Variants in COL6A2 observed in about 807,000 individuals in gnomAD.
The protein encoded by COL6A2 is collagen type VI alpha 2 chain.
Under a neutral mutation model 124.9 loss-of-function variants are expected in COL6A2, and 90 were observed. The observed-to-expected ratio is 0.72, with a 90% confidence interval of 0.61 to 0.86. The LOEUF is 0.86. Among genes scored for constraint, COL6A2 ranks in the 40% least tolerant of loss-of-function variants. The pLI is 0.00. For missense variants in COL6A2, 1,607 were observed against 1,502.5 expected (o/e 1.07, Z -1.15); for synonymous variants, 793 against 618.2 (o/e 1.28, Z -4.19).
chr21:46,113,889 C>T (rs1416036955), intron 4 of COL6A2, 119 bp from the exon 5 acceptor site: 3 of 833,298 alleles, frequency 3.6e-6, no homozygotes, highest in South Asian at 2.8e-5. Context: ...GTTCTCAGGG[C>T]ATTTCAGCAT....
chr21:46,124,394 T>C lies in COL6A2; in HGVS notation c.1672-257T>C, dbSNP rs2839111. On this transcript the variant is annotated intron_variant, in intron 21 of 27. Coordinates refer to ENST00000300527, the MANE Select transcript of COL6A2 (RefSeq NM_001849.4). ...GATTGGAATGAGCTGTTTTGGCTGC[T>C]ATTTCTGGGACACCCAGCTCTGCCA... 0.81 allele frequency among the ~76,000 whole-genome samples: 122,916 copies of C among 152,104 alleles called. 49,816 individuals carry two copies. The highest frequency in any genetic ancestry group is 0.88 in the East Asian group (4,565 of 5,168).
intron 1 of COL6A2, among the ~76,000 whole-genome samples, chr21:46,102,167 G>T (rs1216947602): frequency 6.6e-6 from 1 of 151,954 alleles, no homozygotes; most frequent in Non-Finnish European, 1.5e-5. Flanking sequence ...ATAGTAAATA[G>T]AATTGTTTTC....
At chr21:46,130,662 A>G (rs2078748605) in intron 27 of COL6A2, among the ~76,000 whole-genome samples, 1 of 151,554 alleles carries the variant, frequency 6.6e-6, no homozygotes, top group Admixed American at 6.6e-5. Context: ...ATGGACAGAG[A>G]CCCCCAAAAC....
intron 1 of COL6A2, among the ~76,000 whole-genome samples, chr21:46,107,633 A>C (rs1256620363): frequency 6.6e-6 from 1 of 152,222 alleles, no homozygotes; most frequent in Non-Finnish European, 1.5e-5. Context: ...AAGGGCAGCC[A>C]CTATGAGACT....
chr21:46,104,606 C>T (rs1314979219), intron 1 of COL6A2, among the ~76,000 whole-genome samples: 2 of 152,110 alleles, frequency 1.3e-5, no homozygotes, highest in Non-Finnish European at 2.9e-5. Flanking sequence ...GCAAAGGGAG[C>T]AGAGAGACTA....
intron 25 of COL6A2, 63 bp from the exon 26 acceptor site, chr21:46,125,722 C>T: frequency 1.2e-6 from 2 of 1,600,208 alleles, no homozygotes; most frequent in Non-Finnish European, 8.5e-7. Context: ...AGGGCCTCTG[C>T]ATGGCTGGGG....
At chr21:46,128,118 G>A (rs1376130452) in intron 27 of COL6A2, among the ~76,000 whole-genome samples, 5 of 152,210 alleles carry the variant, frequency 3.3e-5, no homozygotes, top group South Asian at 2.1e-4. Context: ...CTCCCCAGAC[G>A]GTGACATGGA....
At chr21:46,129,503 C>G (rs1324588552) in intron 27 of COL6A2, 2 of 1,549,998 alleles carry the variant, frequency 1.3e-6, no homozygotes, top group African/African-American at 1.4e-5. Context: ...GCCCGGGCAC[C>G]CGCCCAGCCG....
chr21:46,102,222 G>C (rs2226833), intron 1 of COL6A2, among the ~76,000 whole-genome samples: 124,448 of 152,102 alleles, frequency 0.82, 51,098 homozygotes, highest in East Asian at 0.91. Context: ...AGAAATACAA[G>C]TGATTTTTAT....
intron 19 of COL6A2, 80 bp downstream of exon 19, chr21:46,122,238 C>T (rs2078578376): frequency 1.3e-6 from 2 of 1,489,138 alleles, no homozygotes; most frequent in Non-Finnish European, 1.9e-6. Flanking sequence ...TAGTAGTTCC[C>T]TCAAGGCCTC....
chr21:46,124,211 TGGGTGGATGGA>T (rs2078622056), intron 21 of COL6A2, among the ~76,000 whole-genome samples: 1 of 148,934 alleles, frequency 6.7e-6, no homozygotes, highest in Non-Finnish European at 1.5e-5. Flanking sequence ...AGTGGGTGGC[TGGGTGGATGGA>T]TGATGGATGG....
At chr21:46,105,551 G>A (rs780466325) in intron 1 of COL6A2, among the ~76,000 whole-genome samples, 31 of 152,222 alleles carry the variant, frequency 2.0e-4, no homozygotes, top group Non-Finnish European at 4.1e-4. Context: ...ATATATAAAG[G>A]TGTAATTTTG....
At position 46,132,637 on chromosome 21, in the gene COL6A2, A is replaced by T; in HGVS notation, c.*85A>T. 7.5e-7 allele frequency: 1 copy of T among 1,329,142 alleles called. No homozygotes were observed. The highest frequency in any genetic ancestry group is 1.0e-6 in the Non-Finnish European group (1 of 959,030). The allele number at this position is 1,329,142 out of a possible 1,614,324, so 82.3% of individuals were successfully genotyped here. ...CGGGCCCGGGTCCCACACGGCCAGC[A>T]CCGCTGCTCACTCGGACGACGCCCT... is the stretch of plus-strand genomic sequence containing the variant. On this transcript the variant is annotated 3_prime_UTR_variant, in exon 28 of 28. Coordinates refer to ENST00000300527, the MANE Select transcript of COL6A2 (RefSeq NM_001849.4).
chr21:46,126,557 C>T lies in COL6A2; in HGVS notation c.2461+16C>T, dbSNP rs769731536. 6 of 1,613,266 alleles carry T rather than the reference C, an allele frequency of 3.7e-6. No homozygotes were observed. In the Admixed American group the frequency reaches 8.3e-5, roughly 22 times the overall value. ...TGCCAAACAGGTAATGCAGGGCACCCTGAGCCACCACCCCAGACTAGCAAA... is the reference window on the plus strand; with the variant it reads ...TGCCAAACAGGTAATGCAGGGCACCTTGAGCCACCACCCCAGACTAGCAAA... On this transcript the variant is annotated intron_variant, in intron 27 of 27. Transcript: ENST00000300527.
At chr21:46,119,232 A>G in intron 14 of COL6A2, 113 bp downstream of exon 14, 1 of 803,504 alleles carries the variant, frequency 1.2e-6, no homozygotes, top group Admixed American at 2.1e-5. Context: ...CCTGCTGGCA[A>G]GGCACAGCCA....
At position 46,111,506 on chromosome 21, in the gene COL6A2, G is replaced by T; in HGVS notation, c.30G>T (p.Leu10=). MLQGTCSVL[L]LWGILGAIQA... ...TCCAGGGCACCTGCTCCGTGCTCCTGCTCTGGGGAATCCTGGGGGCCATCC... is the reference window on the plus strand; with the variant it reads ...TCCAGGGCACCTGCTCCGTGCTCCTTCTCTGGGGAATCCTGGGGGCCATCC... The change falls in exon 2 of 28, where the codon CTG becomes CTT. Residue 10 remains leucine (L), a synonymous_variant. Transcript: ENST00000300527. The T allele has an allele frequency of 6.2e-7, 1 of 1,612,936 alleles. No individual in the cohort carries two copies. The highest frequency in any genetic ancestry group is 8.5e-7 in the Non-Finnish European group (1 of 1,179,878).
chr21:46,130,327 G>C (rs1337427733), intron 27 of COL6A2, among the ~76,000 whole-genome samples: 1 of 152,214 alleles, frequency 6.6e-6, no homozygotes, highest in African/African-American at 2.4e-5. Context: ...GAATCCCAGG[G>C]TCCACAATGT....
At chr21:46,129,601 C>T in intron 27 of COL6A2, 1 of 1,436,156 alleles carries the variant, frequency 7.0e-7, no homozygotes, top group Admixed American at 2.8e-5. Context: ...GAATCGGGGT[C>T]AGCGGGGCTA....
At chr21:46,108,106 AT>A (rs57568187) in intron 1 of COL6A2, among the ~76,000 whole-genome samples, 11,385 of 106,022 alleles carry the variant, frequency 0.11, 659 homozygotes, top group East Asian at 0.38. Flanking sequence ...ATATATATAT[AT>A]TTTTTTTTCT....
Sources: gnomAD v4.1 joint callset for allele counts (sites outside exome capture counted in the v4.1 genomes callset) on GRCh38, gnomAD v4.1.1 for gene constraint, MANE v1.5 for transcripts, NCBI Gene and HGNC (gene_info 2026-07-23, HGNC 2026-07-21) for gene names.